Variants in YEATS4 observed in about 807,000 individuals in gnomAD.
YEATS4 encodes the protein YEATS domain containing 4.
A neutral mutation model predicts 30.1 loss-of-function variants in YEATS4; 17 were observed. The ratio of observed to expected loss-of-function variants is 0.56; its 90% CI spans 0.39 to 0.85. The LOEUF (loss-of-function observed/expected upper bound fraction) is 0.85, where lower values mean the gene tolerates loss of function less well. YEATS4 is among the 40% of genes least tolerant of loss of function. The pLI is 0.00. For missense variants in YEATS4, 142 were observed against 268.3 expected, an observed-to-expected ratio of 0.53 and a Z score of 3.29; for synonymous variants, 85 against 87.5, an observed-to-expected ratio of 0.97 and a Z score of 0.16.
the YEATS4 span, among the ~76,000 whole-genome samples, chr12:69,417,870 A>AG: frequency 6.6e-6 from 1 of 151,742 alleles, no homozygotes; most frequent in Non-Finnish European, 1.5e-5. Context: ...AAAAAAAAAA[A>AG]AAAAAAGCAA....
chr12:69,393,741 A>AAGATT (rs1305722916), downstream of YEATS4, among the ~76,000 whole-genome samples: 3 of 152,176 alleles, frequency 2.0e-5, no homozygotes, highest in Non-Finnish European at 4.4e-5. Context: ...CAGATGAAAC[A>AAGATT]AGATTGGCTG....
rs757717138 is a variant in YEATS4 at position 69,365,731 on chromosome 12, A to C, written c.238+32A>C. On this transcript the variant is annotated intron_variant, in intron 3 of 6. Transcript: ENST00000247843. ...TATAGTCTTTTGATTCACAATATCC[A>C]AAGTTAAAAATGGCTAGGAAACTAA... 20 of 1,604,582 alleles carry C rather than the reference A, an allele frequency of 1.2e-5. No individual in the cohort carries two copies. In the South Asian group the frequency reaches 2.2e-4, roughly 18 times the overall value.
At chr12:69,404,735 A>G in the YEATS4 span, among the ~76,000 whole-genome samples, 2 of 152,212 alleles carry the variant, frequency 1.3e-5, no homozygotes, top group African/African-American at 4.8e-5. Context: ...TCAATAGTAG[A>G]TAGGATCTCT....
At chr12:69,412,351 C>T in the YEATS4 span, among the ~76,000 whole-genome samples, 92,738 of 151,818 alleles carry the variant, frequency 0.61, 29,442 homozygotes, top group East Asian at 0.81. Flanking sequence ...ACTATTGTCC[C>T]CATTTAAAGG....
downstream of YEATS4, among the ~76,000 whole-genome samples, chr12:69,394,540 A>G (rs1023978429): frequency 6.6e-6 from 1 of 152,214 alleles, no homozygotes; most frequent in Non-Finnish European, 1.5e-5. Context: ...GGTACAGATA[A>G]ACTGATAACA....
At chr12:69,364,133 AT>A in intron 2 of YEATS4, 1 of 441,412 alleles carries the variant, frequency 2.3e-6, no homozygotes, top group Non-Finnish European at 4.5e-6. Flanking sequence ...AATTGTAGTG[AT>A]TCTTATGAGA....
At chr12:69,414,763 C>T in the YEATS4 span, among the ~76,000 whole-genome samples, 3 of 152,218 alleles carry the variant, frequency 2.0e-5, no homozygotes, top group East Asian at 5.8e-4. Flanking sequence ...CTGGCTTGGC[C>T]CGCTGAAAAG....
At chr12:69,374,123 A>G (rs527569773) in intron 6 of YEATS4, among the ~76,000 whole-genome samples, 5 of 140,818 alleles carry the variant, frequency 3.6e-5, no homozygotes, top group Middle Eastern at 3.6e-3. Flanking sequence ...GTGGTTCCAC[A>G]TAAAATTTTA....
At chr12:69,409,119 C>T in the YEATS4 span, among the ~76,000 whole-genome samples, 20 of 152,192 alleles carry the variant, frequency 1.3e-4, no homozygotes, top group African/African-American at 4.6e-4. Flanking sequence ...GCTTTGGAGT[C>T]AAGTTACTTG....
rs1411049439 is a variant in YEATS4, at chr12:69,359,878, GCCCGCGCGAC to G, written c.-94_-85del. 2 of 1,511,634 alleles carry G rather than the reference GCCCGCGCGAC, an allele frequency of 1.3e-6. No homozygotes were observed. Among genetic ancestry groups the G allele is most frequent in the African/African-American group, 2.8e-5 (2 of 71,812 alleles). The allele number at this position is 1,511,634 out of a possible 1,614,324, so 93.6% of individuals were successfully genotyped here. A position where few individuals can be genotyped will look rare whatever the true frequency, so the allele number is the denominator to read the frequency against. ...CTTCGGCTAGAAACCCTCCGCCTGG[GCCCGCGCGAC>G]AGGAGCGCGGTCTCTGAGGGGAGCG... is the stretch of plus-strand genomic sequence containing the variant. On this transcript the variant is annotated 5_prime_UTR_variant, in exon 1 of 7. Coordinates refer to ENST00000247843, the MANE Select transcript of YEATS4 (RefSeq NM_006530.4).
the YEATS4 span, among the ~76,000 whole-genome samples, chr12:69,426,143 G>A: frequency 1.3e-5 from 2 of 152,130 alleles, no homozygotes; most frequent in Admixed American, 1.3e-4. Context: ...TTGGGAAGCT[G>A]GGGCGGGAGG....
At chr12:69,420,690 A>G in the YEATS4 span, among the ~76,000 whole-genome samples, 3 of 152,210 alleles carry the variant, frequency 2.0e-5, no homozygotes, top group Non-Finnish European at 2.9e-5. Flanking sequence ...GGCAGAAGGA[A>G]CACAGCCAGC....
At chr12:69,361,009 T>A (rs1875180394) in intron 1 of YEATS4, among the ~76,000 whole-genome samples, 1 of 151,034 alleles carries the variant, frequency 6.6e-6, no homozygotes, top group African/African-American at 2.4e-5. Flanking sequence ...ACCAGGCTGG[T>A]CAACATGGTG....
At chr12:69,412,380 G>A in the YEATS4 span, among the ~76,000 whole-genome samples, 4 of 152,196 alleles carry the variant, frequency 2.6e-5, no homozygotes, top group Middle Eastern at 3.4e-3. Context: ...GTCCGGGCGC[G>A]GTGGCTCACA....
At chr12:69,415,813 G>T in the YEATS4 span, among the ~76,000 whole-genome samples, 1 of 152,140 alleles carries the variant, frequency 6.6e-6, no homozygotes, top group Non-Finnish European at 1.5e-5. Context: ...GTCTGAGAGG[G>T]CAGTGGGCAA....
rs1422898666 is a variant in YEATS4 at position 69,363,304 on chromosome 12, A to AT, written c.171+403dup. ...CACCGCGCCCGGCCGACAACCTGTA[A>AT]TTTTTTATAGTAACTTTCTGATTAT... On this transcript the variant is annotated intron_variant, in intron 2 of 6. Transcript: ENST00000247843. Among the ~76,000 whole-genome samples, 8 of 152,234 alleles carry AT rather than the reference A, an allele frequency of 5.3e-5. No homozygotes were observed. In the East Asian group the frequency reaches 1.4e-3, roughly 26 times the overall value.
chr12:69,390,145 A>T lies in YEATS4; in HGVS notation c.515-2A>T. On this transcript the variant is annotated splice_acceptor_variant, in intron 6 of 6. Transcript: ENST00000247843. LOFTEE classifies it high-confidence loss of function. Reference sequence around the variant, plus strand: ...TTTAGTAAAAGTATTTGTTTTCTTTAGTTGCAGAGCTTGAAGTGAAAACCA... The same window carrying T: ...TTTAGTAAAAGTATTTGTTTTCTTTTGTTGCAGAGCTTGAAGTGAAAACCA... 6.4e-7 allele frequency: 1 copy of T among 1,572,258 alleles called. No individual in the cohort carries two copies. Among genetic ancestry groups the T allele is most frequent in the Non-Finnish European group, 8.6e-7 (1 of 1,169,286 alleles).
At chr12:69,406,243 T>C in the YEATS4 span, among the ~76,000 whole-genome samples, 1 of 152,252 alleles carries the variant, frequency 6.6e-6, no homozygotes. Flanking sequence ...TCAACAACTG[T>C]GCGTTAGAGT....
At chr12:69,408,308 A>G in the YEATS4 span, among the ~76,000 whole-genome samples, 1 of 152,228 alleles carries the variant, frequency 6.6e-6, no homozygotes, top group African/African-American at 2.4e-5. Context: ...TAGATTTGAT[A>G]CTAATTTCTC....
Sources: gnomAD v4.1 joint callset for allele counts (sites outside exome capture counted in the v4.1 genomes callset) on GRCh38, gnomAD v4.1.1 for gene constraint, MANE v1.5 for transcripts, NCBI Gene and HGNC (gene_info 2026-07-23, HGNC 2026-07-21) for gene names.